Variants in SOX11 observed in about 807,000 individuals in gnomAD.
SOX11 encodes transcription factor SOX-11.
Under a neutral mutation model 16.7 loss-of-function variants are expected in SOX11, and 5 were observed. The observed-to-expected ratio is 0.30, with a 90% CI of 0.16 to 0.63. The LOEUF is 0.63. Among genes scored for constraint, SOX11 ranks in the 20% least tolerant of loss-of-function variants. The pLI is 0.82. For missense variants in SOX11, 492 were observed against 641.5 expected, an observed-to-expected ratio of 0.77 and a Z score of 2.52; for synonymous variants, 363 against 298.8, an observed-to-expected ratio of 1.21 and a Z score of -2.22.
Position 5,693,191 on chromosome 2 carries a change from C to T in SOX11, c.470C>T (p.Ala157Val). ...AGCGCGGGCGGAGGCGCGGGCGGTG[C>T]CAAGACCTCCAAGGGCTCCAGCAAG... The part of the protein sequence containing the change: ...GGSAGGGAGG[A>V]KTSKGSSKKC... The change falls in exon 1 of 1, where the codon GCC becomes GTC. Residue 157 changes from alanine (A) to valine (V), a missense_variant. By Grantham distance (64) the Ala-to-Val change is moderately conservative (BLOSUM62 0). Around this residue, in one of 4 missense-constraint regions of SOX11, gnomAD observed 389 missense variants for 389.0 expected, o/e 1.00. Coordinates refer to ENST00000322002, the MANE Select transcript of SOX11 (RefSeq NM_003108.4). This position sits in a 1 kb window ranked among gnomAD's most constrained non-coding sequence, Gnocchi z 8.6. The T allele has an allele frequency of 6.5e-7, 1 of 1,536,340 alleles. No homozygotes were observed. Among genetic ancestry groups the T allele is most frequent in the Non-Finnish European group, 8.7e-7 (1 of 1,146,020 alleles).
At position 5,700,736 on chromosome 2, in the gene SOX11, G is replaced by C. The variant is rs1187581466; in HGVS notation, c.*6689G>C. ...CCGGTTTGGGACTCCTAGTGGTTAT[G>C]GCATCCCATAATGCTTCGTGACGGC... On this transcript the variant is annotated 3_prime_UTR_variant, in exon 1 of 1. Transcript: ENST00000322002. 1 of 166,910 alleles carries C rather than the reference G, an allele frequency of 6.0e-6. No individual in the cohort carries two copies. The highest frequency in any genetic ancestry group is 1.5e-5 in the Non-Finnish European group (1 of 68,110). 10.3% of individuals were successfully genotyped at this position (166,910 alleles called of 1,614,324 possible).
In SOX11 at chr2:5,693,309, C is replaced by A. The variant is rs544581532; in HGVS notation, c.588C>A (p.Asp196Glu). The A allele has an allele frequency of 6.7e-5, 104 of 1,563,562 alleles. No homozygotes were observed. Among genetic ancestry groups the A allele is most frequent in the African/African-American group, 6.4e-4 (46 of 72,388 alleles). The change falls in exon 1 of 1, where the codon GAC (aspartate) becomes GAA (glutamate). Residue 196 changes from aspartate (D) to glutamate (E), a missense_variant. Coordinates refer to ENST00000322002, the MANE Select transcript of SOX11 (RefSeq NM_003108.4). This position sits in a 1 kb window ranked among gnomAD's most constrained non-coding sequence, Gnocchi z 8.6. ...CCGGGGACTACGGGGGCGCGGGCGA[C>A]GACTACGTGCTGGGCAGCCTGCGCG... ...AQSGDYGGAG[D>E]DYVLGSLRVS...
chr2:5,696,937 G>A lies in SOX11; in HGVS notation c.*2890G>A, dbSNP rs1014228729. On this transcript the variant is annotated 3_prime_UTR_variant, in exon 1 of 1. Transcript: ENST00000322002. ...CTCCTGGGGGCTCCGGCGGCGGCGC[G>A]GGCGCGACCCATCCCGCTGGCGCTC... 6.3e-6 allele frequency: 1 copy of A among 159,732 alleles called. No individual in the cohort carries two copies. The allele number at this position is 159,732 out of a possible 1,614,324, so 9.9% of individuals were successfully genotyped here.
chr2:5,692,691 C>T lies in SOX11; in HGVS notation c.-31C>T, dbSNP rs751509408. ...GACCTCCGCACGAGACCCAGCGGCC[C>T]GGGTTGGAGCGTCCAGCCCTGCAGC... On this transcript the variant is annotated 5_prime_UTR_variant, in exon 1 of 1. Transcript: ENST00000322002. The T allele has an allele frequency of 6.6e-7, 1 of 1,518,308 alleles. No individual in the cohort carries two copies. 94.1% of individuals were successfully genotyped at this position (1,518,308 alleles called of 1,614,324 possible). A position where few individuals can be genotyped will look rare whatever the true frequency, so the allele number is the denominator to read the frequency against.
Position 5,696,530 on chromosome 2 carries a change from AG to A in SOX11, c.*2486del. The A allele has an allele frequency of 6.4e-6, 1 of 155,090 alleles. No homozygotes were observed. 9.6% of individuals were successfully genotyped at this position (155,090 alleles called of 1,614,324 possible). On this transcript the variant is annotated 3_prime_UTR_variant, in exon 1 of 1. Transcript: ENST00000322002. Reference sequence around the variant, plus strand: ...GCCTGGGAGGGCCGAACCACTGGTGAGGGCGTGGGGAGCAGGGGGTGGCAGA... The same window carrying A: ...GCCTGGGAGGGCCGAACCACTGGTGAGGCGTGGGGAGCAGGGGGTGGCAGA...
rs774369642 is a variant in SOX11 at position 5,700,266 on chromosome 2, A to T, written c.*6219A>T. 1 of 167,036 alleles carries T rather than the reference A, an allele frequency of 6.0e-6. No homozygotes were observed. The highest frequency in any genetic ancestry group is 1.5e-5 in the Non-Finnish European group (1 of 68,116). The allele number at this position is 167,036 out of a possible 1,614,324, so 10.3% of individuals were successfully genotyped here. ...AAACTTCTTTTATGTAGTCACGTAG[A>T]CTTGATTTTTTCTGCTGTGAAAATG... On this transcript the variant is annotated 3_prime_UTR_variant, in exon 1 of 1. Transcript: ENST00000322002.
chr2:5,698,106 C>T lies in SOX11; in HGVS notation c.*4059C>T, dbSNP rs893598599. The T allele has an allele frequency of 6.0e-6, 1 of 166,910 alleles. No homozygotes were observed. Among genetic ancestry groups the T allele is most frequent in the African/African-American group, 2.4e-5 (1 of 41,410 alleles). 10.3% of individuals were successfully genotyped at this position (166,910 alleles called of 1,614,324 possible). A position where few individuals can be genotyped will look rare whatever the true frequency, so the allele number is the denominator to read the frequency against. The stretch of plus-strand genomic sequence containing the variant: ...TTGTTTGGCAATCTAAATTTAAAAC[C>T]TGTTAGAACTCAGGACAGGCGCTTC... On this transcript the variant is annotated 3_prime_UTR_variant, in exon 1 of 1. Transcript: ENST00000322002.
chr2:5,700,281 C>A lies in SOX11; in HGVS notation c.*6234C>A, dbSNP rs1665812955. ...AGTCACGTAGACTTGATTTTTTCTG[C>A]TGTGAAAATGAAAAAATAAAGCAAT... On this transcript the variant is annotated 3_prime_UTR_variant, in exon 1 of 1. Transcript: ENST00000322002. 6.0e-6 allele frequency: 1 copy of A among 166,888 alleles called. No individual in the cohort carries two copies. The highest frequency in any genetic ancestry group is 6.6e-5 in the Admixed American group (1 of 15,266). 10.3% of individuals were successfully genotyped at this position (166,888 alleles called of 1,614,324 possible). A position where few individuals can be genotyped will look rare whatever the true frequency, so the allele number is the denominator to read the frequency against.
rs1202508194 is a variant in SOX11 at position 5,692,787 on chromosome 2, G to A, written c.66G>A (p.Glu22=). 2.5e-6 allele frequency: 4 copies of A among 1,612,558 alleles called. No individual in the cohort carries two copies. The highest frequency in any genetic ancestry group is 2.2e-5 in the East Asian group (1 of 44,810). ...SNLPREALDT[E]EGEFMACSPV... ...TGCCCCGGGAGGCGCTGGACACGGA[G>A]GAGGGCGAATTCATGGCTTGCAGCC... is the stretch of plus-strand genomic sequence containing the variant. The change falls in exon 1 of 1, where the codon GAG becomes GAA. Residue 22 remains glutamate, a synonymous_variant. Coordinates refer to ENST00000322002, the MANE Select transcript of SOX11 (RefSeq NM_003108.4).
At position 5,693,273 on chromosome 2, in the gene SOX11, G is replaced by A; in HGVS notation, c.552G>A (p.Lys184=). 7.0e-7 allele frequency: 1 copy of A among 1,420,344 alleles called. No individual in the cohort carries two copies. The highest frequency in any genetic ancestry group is 2.8e-5 in the East Asian group (1 of 35,490). The allele number at this position is 1,420,344 out of a possible 1,614,324, so 88.0% of individuals were successfully genotyped here. A position where few individuals can be genotyped will look rare whatever the true frequency, so the allele number is the denominator to read the frequency against. Residue 184 remains lysine (K), a synonymous_variant, in exon 1 of 1, where the codon AAG becomes AAA. Transcript: ENST00000322002. The surrounding 1 kb of genome is among the most constrained non-coding windows in gnomAD (Gnocchi z 8.6). ...AAAGAKAGAG[K]AAQSGDYGGA... ...CGGGCGCCAAGGCGGGCGCGGGCAA[G>A]GCGGCCCAGTCCGGGGACTACGGGG...
Position 5,699,211 on chromosome 2 carries a change from G to A in SOX11, c.*5164G>A, listed in dbSNP as rs979435161. 1 of 166,766 alleles carries A rather than the reference G, an allele frequency of 6.0e-6. No homozygotes were observed. Among genetic ancestry groups the A allele is most frequent in the Admixed American group, 6.5e-5 (1 of 15,280 alleles). The allele number at this position is 166,766 out of a possible 1,614,324, so 10.3% of individuals were successfully genotyped here. A position where few individuals can be genotyped will look rare whatever the true frequency, so the allele number is the denominator to read the frequency against. On this transcript the variant is annotated 3_prime_UTR_variant, in exon 1 of 1. Coordinates refer to ENST00000322002, the MANE Select transcript of SOX11 (RefSeq NM_003108.4). The stretch of plus-strand genomic sequence containing the variant: ...TTTTTTCTTATGTAGGAAGACCAGC[G>A]AAAATAGTTTACTGAGTTGTCAATT...
chr2:5,696,316 C>A lies in SOX11; in HGVS notation c.*2269C>A. On this transcript the variant is annotated 3_prime_UTR_variant, in exon 1 of 1. Transcript: ENST00000322002. ...GTGGTCGGTGTCTGTTTCCTTCTGT[C>A]CCCCGGGGCCGTGGAGCTGTCGGAG... 1 of 168,000 alleles carries A rather than the reference C, an allele frequency of 6.0e-6. No individual in the cohort carries two copies. The highest frequency in any genetic ancestry group is 2.0e-4 in the South Asian group (1 of 4,966). 10.4% of individuals were successfully genotyped at this position (168,000 alleles called of 1,614,324 possible). A position where few individuals can be genotyped will look rare whatever the true frequency, so the allele number is the denominator to read the frequency against.
At position 5,693,696 on chromosome 2, in the gene SOX11, G is replaced by C. The variant is rs751420096; in HGVS notation, c.975G>C (p.Pro325=). 1.9e-6 allele frequency: 3 copies of C among 1,599,454 alleles called. No homozygotes were observed. The highest frequency in any genetic ancestry group is 2.5e-6 in the Non-Finnish European group (3 of 1,177,690). Residue 325 remains proline (P), a synonymous_variant, in exon 1 of 1, where the codon CCG becomes CCC. Coordinates refer to ENST00000322002, the MANE Select transcript of SOX11 (RefSeq NM_003108.4). The surrounding 1 kb of genome is among the most constrained non-coding windows in gnomAD (Gnocchi z 8.6). ...FKNITKQHPP[P]LAQPALSPAS... The stretch of plus-strand genomic sequence containing the variant: ...ACATCACCAAGCAGCACCCGCCGCC[G>C]CTCGCGCAGCCCGCGCTGTCGCCCG...
Position 5,694,103 on chromosome 2 carries a change from A to G in SOX11, c.*56A>G. The G allele has an allele frequency of 6.7e-7, 1 of 1,486,740 alleles. No homozygotes were observed. The highest frequency in any genetic ancestry group is 8.9e-7 in the Non-Finnish European group (1 of 1,118,584). The allele number at this position is 1,486,740 out of a possible 1,614,324, so 92.1% of individuals were successfully genotyped here. A position where few individuals can be genotyped will look rare whatever the true frequency, so the allele number is the denominator to read the frequency against. On this transcript the variant is annotated 3_prime_UTR_variant, in exon 1 of 1. Coordinates refer to ENST00000322002, the MANE Select transcript of SOX11 (RefSeq NM_003108.4). ...AGGGTGCAGAGCTGGGTTCCTTGGGAGGAAGTTGTAGTGGTGATGATGATG... is the reference window on the plus strand; with the variant it reads ...AGGGTGCAGAGCTGGGTTCCTTGGGGGGAAGTTGTAGTGGTGATGATGATG...
chr2:5,692,649 G>T lies in SOX11; in HGVS notation c.-73G>T. The T allele has an allele frequency of 7.7e-7, 1 of 1,303,644 alleles. No homozygotes were observed. The highest frequency in any genetic ancestry group is 1.5e-5 in the South Asian group (1 of 66,140). The allele number at this position is 1,303,644 out of a possible 1,614,324, so 80.8% of individuals were successfully genotyped here. A position where few individuals can be genotyped will look rare whatever the true frequency, so the allele number is the denominator to read the frequency against. ...TGCAACTTGCCCAGGAAGGTGGAGG[G>T]GTGGGAGGGGGAGGGGGACCTCCGC... On this transcript the variant is annotated 5_prime_UTR_variant, in exon 1 of 1. Coordinates refer to ENST00000322002, the MANE Select transcript of SOX11 (RefSeq NM_003108.4).
Position 5,693,363 on chromosome 2 carries a change from C to T in SOX11, c.642C>T (p.Gly214=). The T allele has an allele frequency of 6.3e-7, 1 of 1,590,900 alleles. No homozygotes were observed. Among genetic ancestry groups the T allele is most frequent in the South Asian group, 1.1e-5 (1 of 90,246 alleles). The change falls in exon 1 of 1, where the codon GGC becomes GGT. Residue 214 remains glycine, a synonymous_variant. Transcript: ENST00000322002. This position sits in a 1 kb window ranked among gnomAD's most constrained non-coding sequence, Gnocchi z 8.6. The part of the protein sequence containing the change: ...RVSGSGGGGA[G]KTVKCVFLDE... ...GCGGCTCGGGCGGCGGCGGCGCGGG[C>T]AAGACGGTCAAGTGCGTGTTTCTGG...
rs1665709324 is a variant in SOX11, at chr2:5,695,323, T to C, written c.*1276T>C. The C allele has an allele frequency of 1.2e-5, 2 of 167,012 alleles. No homozygotes were observed. Among genetic ancestry groups the C allele is most frequent in the Admixed American group, 1.3e-4 (2 of 15,280 alleles). The allele number at this position is 167,012 out of a possible 1,614,324, so 10.3% of individuals were successfully genotyped here. A position where few individuals can be genotyped will look rare whatever the true frequency, so the allele number is the denominator to read the frequency against. On this transcript the variant is annotated 3_prime_UTR_variant, in exon 1 of 1. Transcript: ENST00000322002. ...CAGAGCTGTTATCTTAGTTTAAAGA[T>C]TGTATATGTACTGTACTATAGTAGG...
rs1453951099 is a variant in SOX11 at position 5,697,200 on chromosome 2, C to G, written c.*3153C>G. The G allele has an allele frequency of 1.2e-5, 2 of 166,678 alleles. No individual in the cohort carries two copies. The highest frequency in any genetic ancestry group is 2.9e-5 in the Non-Finnish European group (2 of 68,148). 10.3% of individuals were successfully genotyped at this position (166,678 alleles called of 1,614,324 possible). The stretch of plus-strand genomic sequence containing the variant: ...GCGTGCCAGCCCCGGAGTTCAGCCT[C>G]CCGAGCTGCGGCGCCCGCAGCGGAG... On this transcript the variant is annotated 3_prime_UTR_variant, in exon 1 of 1. Transcript: ENST00000322002.
At position 5,693,594 on chromosome 2, in the gene SOX11, G is replaced by T; in HGVS notation, c.873G>T (p.Ala291=). 1 of 1,562,916 alleles carries T rather than the reference G, an allele frequency of 6.4e-7. No homozygotes were observed. Among genetic ancestry groups the T allele is most frequent in the Non-Finnish European group, 8.6e-7 (1 of 1,161,988 alleles). ...GCTCGGCGGAGTCCCCCGAGGGAGC[G>T]AGCCTCTACGACGAGGTGCGGGCCG... ...LSSSAESPEG[A]SLYDEVRAGA... Residue 291 remains alanine (A), a synonymous_variant, in exon 1 of 1, where the codon GCG becomes GCT. Coordinates refer to ENST00000322002, the MANE Select transcript of SOX11 (RefSeq NM_003108.4). The surrounding 1 kb of genome is among the most constrained non-coding windows in gnomAD (Gnocchi z 8.6).
Sources: gnomAD v4.1 joint callset for allele counts on GRCh38, gnomAD v4.1.1 for gene constraint, gnomAD v4.1.1 regional missense constraint, Gnocchi (gnomAD v3.1) non-coding constraint, MANE v1.5 for transcripts, NCBI Gene and HGNC (gene_info 2026-07-23, HGNC 2026-07-21) for gene names.